Variants in ITPR2 observed in about 807,000 individuals in gnomAD.
ITPR2 encodes inositol 1,4,5-trisphosphate-gated calcium channel ITPR2.
In ITPR2, 207 loss-of-function variants were observed where a neutral mutation model predicts 317.1. The observed-to-expected ratio is 0.65, with a 90% CI of 0.58 to 0.73. The LOEUF (loss-of-function observed/expected upper bound fraction) is 0.73. Among genes scored for constraint, ITPR2 ranks in the 30% least tolerant of loss-of-function variants. The pLI is 0.00. For missense variants in ITPR2, 2,613 were observed against 3,284.0 expected (o/e 0.80, Z 4.99); for synonymous variants, 1,156 against 1,149.1 (o/e 1.01, Z -0.12).
At chr12:26,502,145 C>T (rs1350724641) in intron 37 of ITPR2, among the ~76,000 whole-genome samples, 1 of 152,146 alleles carries the variant, frequency 6.6e-6, no homozygotes, top group African/African-American at 2.4e-5. Context: ...ATTAAAACCT[C>T]CCAGTATTTG....
At chr12:26,674,536 A>T (rs374535544) in intron 13 of ITPR2, among the ~76,000 whole-genome samples, 1 of 152,236 alleles carries the variant, frequency 6.6e-6, no homozygotes, top group Non-Finnish European at 1.5e-5. Context: ...ACCTTATATA[A>T]AAATCAATTC....
At chr12:26,440,592 T>C (rs1941464737) in intron 46 of ITPR2, among the ~76,000 whole-genome samples, 1 of 152,164 alleles carries the variant, frequency 6.6e-6, no homozygotes, top group East Asian at 1.9e-4. Flanking sequence ...TTCAATTACA[T>C]ACTAGAATAC....
chr12:26,724,562 T>C (rs756758064), intron 4 of ITPR2, 94 bp downstream of exon 4: 12 of 733,268 alleles, frequency 1.6e-5, no homozygotes, highest in Non-Finnish European at 2.9e-5. Context: ...ACAAACTTCC[T>C]GTATCTCAAA....
At position 26,404,802 on chromosome 12, in the gene ITPR2, T is replaced by C. The variant is rs1030595172; in HGVS notation, c.7400-4544A>G. On this transcript the variant is annotated intron_variant, in intron 52 of 56. Coordinates refer to ENST00000381340, the MANE Select transcript of ITPR2 (RefSeq NM_002223.4). Reference sequence around the variant, plus strand: ...GTAAGAACAATGGTCCAGCTGATGGTGGCCAGGAAGTAATGATAAACACAG... The same window carrying C: ...GTAAGAACAATGGTCCAGCTGATGGCGGCCAGGAAGTAATGATAAACACAG... Among the ~76,000 whole-genome samples, 3 of 152,178 alleles carry C rather than the reference T, an allele frequency of 2.0e-5. No homozygotes were observed. The South Asian group carries it at 6.2e-4, about 32-fold the overall frequency.
chr12:26,479,731 C>T (rs1299669992), intron 43 of ITPR2, among the ~76,000 whole-genome samples: 1 of 152,102 alleles, frequency 6.6e-6, no homozygotes, highest in African/African-American at 2.4e-5. Flanking sequence ...GAAGCTTATA[C>T]ACATTACAAC....
chr12:26,624,746 A>G (rs1361060727), intron 23 of ITPR2, among the ~76,000 whole-genome samples: 1 of 150,442 alleles, frequency 6.6e-6, no homozygotes, highest in East Asian at 2.0e-4. Context: ...AATTAGTACA[A>G]CTGCTATGGA....
rs56063133 is a variant in ITPR2, at chr12:26,509,958, T to TTGTGTG, written c.5074-14704_5074-14699dup. Among the ~76,000 whole-genome samples the TTGTGTG allele has an allele frequency of 9.4e-3, 503 of 53,264 alleles. 11 individuals are homozygous for TTGTGTG. The highest frequency in any genetic ancestry group is 0.013 in the Non-Finnish European group (313 of 24,990). The allele number at this position is 53,264 out of a possible 152,430, so 34.9% of individuals were successfully genotyped here. ...TTTTGTTAACAAGTAGATAAGGGTT[T>TTGTGTG]TGTGTGTGTGTGTGTGTGTGTGTGT... On this transcript the variant is annotated intron_variant, in intron 37 of 56. Transcript: ENST00000381340.
At chr12:26,567,949 A>T (rs1347987486) in intron 34 of ITPR2, among the ~76,000 whole-genome samples, 20 of 31,530 alleles carry the variant, frequency 6.3e-4, no homozygotes, top group Non-Finnish European at 1.4e-3. Flanking sequence ...ATATATATAT[A>T]TTATATATAT....
intron 21 of ITPR2, among the ~76,000 whole-genome samples, chr12:26,638,611 C>A (rs1398988915): frequency 6.6e-6 from 1 of 152,172 alleles, no homozygotes; most frequent in Non-Finnish European, 1.5e-5. Context: ...GGTAACTGAT[C>A]AATGTTAAAG....
At chr12:26,638,278 G>T (rs1161834797) in intron 21 of ITPR2, among the ~76,000 whole-genome samples, 1 of 152,198 alleles carries the variant, frequency 6.6e-6, no homozygotes, top group Admixed American at 6.5e-5. Flanking sequence ...GGTAATGGAA[G>T]TAATAAATGA....
At chr12:26,406,316 T>A (rs1940346820) in intron 52 of ITPR2, 2 of 152,098 alleles carry the variant, frequency 1.3e-5, no homozygotes, top group African/African-American at 2.4e-5. Flanking sequence ...GATTTTTACT[T>A]ATAAAATAAT....
intron 2 of ITPR2, among the ~76,000 whole-genome samples, chr12:26,763,094 T>C (rs970238453): frequency 2.0e-5 from 3 of 152,170 alleles, no homozygotes; most frequent in Non-Finnish European, 2.9e-5. Flanking sequence ...TACTTTAAAA[T>C]ATCTAAGAGA....
chr12:26,815,149 G>A (rs1950828863), intron 1 of ITPR2, among the ~76,000 whole-genome samples: 1 of 152,144 alleles, frequency 6.6e-6, no homozygotes, highest in African/African-American at 2.4e-5. Flanking sequence ...GACCATCCTG[G>A]CCAACATGGT....
chr12:26,415,937 T>C (rs887445079), intron 50 of ITPR2, among the ~76,000 whole-genome samples: 1 of 152,182 alleles, frequency 6.6e-6, no homozygotes, highest in Non-Finnish European at 1.5e-5. Context: ...TCCTCCTGAG[T>C]GATGAACAAT....
At chr12:26,500,972 T>C (rs1943058935) in intron 37 of ITPR2, among the ~76,000 whole-genome samples, 1 of 152,176 alleles carries the variant, frequency 6.6e-6, no homozygotes, top group South Asian at 2.1e-4. Context: ...ACTAAAGTAA[T>C]ATTTTTTCAT....
At chr12:26,718,444 T>A (rs1261793824) in intron 5 of ITPR2, among the ~76,000 whole-genome samples, 1 of 152,030 alleles carries the variant, frequency 6.6e-6, no homozygotes, top group Non-Finnish European at 1.5e-5. Flanking sequence ...TATTTTACTA[T>A]AGTTGTCTGT....
intron 49 of ITPR2, chr12:26,421,588 T>C (rs1260269909): frequency 1.3e-5 from 2 of 152,228 alleles, no homozygotes; most frequent in Non-Finnish European, 2.9e-5. Context: ...AGCAAGTTGC[T>C]AAAACAGTCT....
intron 21 of ITPR2, among the ~76,000 whole-genome samples, chr12:26,639,557 T>A (rs1946936931): frequency 6.6e-6 from 1 of 151,912 alleles, no homozygotes. Flanking sequence ...GCCATGTTGG[T>A]GTGCTGCACC....
intron 25 of ITPR2, 21 bp downstream of exon 25, chr12:26,622,219 T>C (rs769089142): frequency 1.9e-6 from 3 of 1,598,954 alleles, no homozygotes; most frequent in African/African-American, 1.3e-5. Flanking sequence ...TGTGGATGCA[T>C]TGAGGGCTCT....
Sources: allele counts gnomAD v4.1 joint callset (sites outside exome capture counted in the v4.1 genomes callset), GRCh38; gene constraint gnomAD v4.1.1; transcripts MANE v1.5; gene names NCBI Gene and HGNC (gene_info 2026-07-23, HGNC 2026-07-21).